The following AGBL2 variants were observed in gnomAD, a reference collection of about 807,000 sequenced individuals.
AGBL2 encodes the protein cytosolic carboxypeptidase 2.
AGBL2 carries 87 observed loss-of-function variants against 103.0 expected under a neutral mutation model. The ratio of observed to expected loss-of-function variants is 0.84; its 90% CI spans 0.71 to 1.01. AGBL2 has a LOEUF of 1.01. Ranked by LOEUF, AGBL2 falls within the 50% of genes least tolerant of loss-of-function variation. The pLI is 0.00. For synonymous variants in AGBL2, 335 were observed against 356.7 expected (o/e 0.94, Z 0.69); for missense variants, 904 against 1,023.5 (o/e 0.88, Z 1.59).
chr11:47,690,611 T>TG lies in AGBL2; in HGVS notation c.1095dup (p.Asn366GlnfsTer4), dbSNP rs758752170. On this transcript the variant is annotated frameshift_variant, in exon 10 of 19. Transcript: ENST00000525123. LOFTEE classifies it high-confidence loss of function. ...AAGGGCTGCTGCCCATCATCCGTGT[T>TG]GTTCTTGTAGTACTTGATTTCATTT... is the stretch of plus-strand genomic sequence containing the variant. The TG allele has an allele frequency of 6.2e-7, 1 of 1,614,202 alleles. No individual in the cohort carries two copies. Among genetic ancestry groups the TG allele is most frequent in the East Asian group, 2.2e-5 (1 of 44,890 alleles).
At chr11:47,701,246 G>C (rs7935521) in intron 7 of AGBL2, among the ~76,000 whole-genome samples, 1 of 150,690 alleles carries the variant, frequency 6.6e-6, no homozygotes, top group Non-Finnish European at 1.5e-5. Context: ...CGAAGCGGGC[G>C]GATCATGAGG....
intron 18 of AGBL2, among the ~76,000 whole-genome samples, chr11:47,662,455 C>T (rs969196783): frequency 2.5e-4 from 37 of 148,032 alleles, no homozygotes; most frequent in African/African-American, 7.7e-4. Context: ...GCTTGGATTA[C>T]AGGTGTGAGC....
At chr11:47,683,256 C>T (rs1227554304) in intron 11 of AGBL2, among the ~76,000 whole-genome samples, 1 of 151,906 alleles carries the variant, frequency 6.6e-6, no homozygotes, top group African/African-American at 2.4e-5. Context: ...ACCTGTAATC[C>T]CAGCTACTCA....
At chr11:47,709,264 A>C (rs1178208485) in intron 4 of AGBL2, among the ~76,000 whole-genome samples, 2 of 152,138 alleles carry the variant, frequency 1.3e-5, no homozygotes, top group Non-Finnish European at 2.9e-5. Context: ...GCGGGGCAGC[A>C]CAGAACAAGA....
intron 14 of AGBL2, among the ~76,000 whole-genome samples, chr11:47,670,490 AT>A (rs2097354098): frequency 6.6e-6 from 1 of 152,068 alleles, no homozygotes; most frequent in Admixed American, 6.6e-5. Context: ...ATCTAAAAAA[AT>A]AAATAAATAA....
At chr11:47,669,070 C>T (rs1448452531) in intron 14 of AGBL2, among the ~76,000 whole-genome samples, 163 bp from the exon 15 acceptor site, 1 of 152,074 alleles carries the variant, frequency 6.6e-6, no homozygotes, top group Non-Finnish European at 1.5e-5. Flanking sequence ...TTATTTTCTT[C>T]CTTTTTTATA....
At chr11:47,710,605 A>C (rs2097533957) in intron 3 of AGBL2, 94 bp from the exon 4 acceptor site, 7 of 1,411,004 alleles carry the variant, frequency 5.0e-6, no homozygotes, top group Non-Finnish European at 6.9e-6. Flanking sequence ...TTTTATCACC[A>C]CCCACCACCA....
At position 47,698,174 on chromosome 11, in the gene AGBL2, T is replaced by TA. The variant is rs1367189590; in HGVS notation, c.694+1271_694+1272insT. Among the ~76,000 whole-genome samples, 524 of 145,786 alleles carry TA rather than the reference T, an allele frequency of 3.6e-3. 3 individuals are homozygous for TA. The highest frequency in any genetic ancestry group is 0.021 in the Middle Eastern group (6 of 284). On this transcript the variant is annotated intron_variant, in intron 8 of 18. Coordinates refer to ENST00000525123, the MANE Select transcript of AGBL2 (RefSeq NM_024783.4). ...ACCAAGCCCAGTCTACATAATTTTT[T>TA]TTTTTTTTTTTTTTTTGAGACGGAG...
chr11:47,663,688 C>G (rs2097333732), intron 17 of AGBL2, among the ~76,000 whole-genome samples: 1 of 151,586 alleles, frequency 6.6e-6, no homozygotes, highest in African/African-American at 2.4e-5. Context: ...TCCCAAGTAG[C>G]TGGGATTACA....
intron 3 of AGBL2, among the ~76,000 whole-genome samples, chr11:47,713,094 C>T (rs545115172): frequency 1.3e-5 from 2 of 150,918 alleles, no homozygotes; most frequent in African/African-American, 2.4e-5. Flanking sequence ...AATCCCACCA[C>T]TTTGGGAGGC....
In AGBL2 at chr11:47,667,578, T is replaced by A; in HGVS notation, c.2333A>T (p.Asp778Val). ...CCAGCAAGTCTTTCTTACTGAGGTATCTTCTGTTAACTTTAACTTCTGCAT... is the reference window on the plus strand; with the variant it reads ...CCAGCAAGTCTTTCTTACTGAGGTAACTTCTGTTAACTTTAACTTCTGCAT... Reference protein sequence around the residue: ...NLMQKLKLTEDTSEKAGFAST... With the variant: ...NLMQKLKLTEVTSEKAGFAST... Residue 778 changes from aspartate (D) to valine (V), a missense_variant, in exon 16 of 19, where the codon GAT becomes GTT. Asp to Val is a radical substitution (Grantham distance 152). Coordinates refer to ENST00000525123, the MANE Select transcript of AGBL2 (RefSeq NM_024783.4). 1 of 1,613,996 alleles carries A rather than the reference T, an allele frequency of 6.2e-7. No homozygotes were observed.
chr11:47,662,041 G>T (rs2097329407), intron 18 of AGBL2, among the ~76,000 whole-genome samples: 1 of 151,854 alleles, frequency 6.6e-6, no homozygotes, highest in East Asian at 1.9e-4. Context: ...AAGCCACCGC[G>T]CCTGGCCTCA....
At position 47,705,889 on chromosome 11, in the gene AGBL2, G is replaced by A. The variant is rs12279284; in HGVS notation, c.261C>T (p.His87=). The change falls in exon 5 of 19, where the codon CAC becomes CAT. Residue 87 remains histidine (H), a synonymous_variant. Transcript: ENST00000525123. ...LWPISLSSAV[H]RQIEAINRDF... ...CTCTGTTGATGGCTTCTATCTGTCTGTGCACAGCTGAAGATAAACTGATAG... is the reference window on the plus strand; with the variant it reads ...CTCTGTTGATGGCTTCTATCTGTCTATGCACAGCTGAAGATAAACTGATAG... 3.8e-4 allele frequency: 613 copies of A among 1,614,028 alleles called. 2 individuals carry two copies. The African/African-American group carries it at 7.5e-3, about 20-fold the overall frequency.
chr11:47,711,781 C>T (rs1223416482), intron 3 of AGBL2, among the ~76,000 whole-genome samples: 7 of 152,120 alleles, frequency 4.6e-5, no homozygotes, highest in African/African-American at 1.7e-4. Flanking sequence ...GTGATCTGCC[C>T]ACCTTGGCCT....
intron 13 of AGBL2, among the ~76,000 whole-genome samples, chr11:47,679,571 G>A (rs1009320328): frequency 2.0e-5 from 3 of 151,896 alleles, no homozygotes; most frequent in Non-Finnish European, 4.4e-5. Flanking sequence ...ACTAGTAAGA[G>A]GAAAATAAAG....
intron 13 of AGBL2, among the ~76,000 whole-genome samples, chr11:47,678,343 A>ATTTTTTTTTTTTTTTTTTTTTTTTTTT (rs1440515781): frequency 3.4e-5 from 4 of 116,870 alleles, no homozygotes; most frequent in East Asian, 5.9e-4. Flanking sequence ...TTATTATTTT[A>ATTTTTTTTTTTTTTTTTTTTTTTTTTT]TTTTTTTTGA....
At chr11:47,666,804 C>G in intron 17 of AGBL2, 152 bp downstream of exon 17, 1 of 689,164 alleles carries the variant, frequency 1.5e-6, no homozygotes, top group South Asian at 1.6e-5. Context: ...GTGTCAATGT[C>G]TCCCCCAGTT....
At chr11:47,678,890 T>C (rs968177360) in intron 13 of AGBL2, among the ~76,000 whole-genome samples, 8 of 149,078 alleles carry the variant, frequency 5.4e-5, no homozygotes, top group African/African-American at 2.0e-4. Context: ...AAACCCCATC[T>C]GTACTAAAAA....
At position 47,667,682 on chromosome 11, in the gene AGBL2, C is replaced by G. The variant is rs201481571; in HGVS notation, c.2229G>C (p.Lys743Asn). Residue 743 changes from lysine (K) to asparagine (N), a missense_variant, in exon 16 of 19, where the codon AAG (lysine) becomes AAC (asparagine). By Grantham distance (94) the Lys-to-Asn change is moderately conservative. Transcript: ENST00000525123. Reference sequence around the variant, plus strand: ...TCTTTTTTTTCTTCTTAAACATCTTCTTTTTCTGAGTCAGCTATTCCAGAA... The same window carrying G: ...TCTTTTTTTTCTTCTTAAACATCTTGTTTTTCTGAGTCAGCTATTCCAGAA... ...ANIADELTQK[K>N]KMFKKKKKKS... 1.9e-6 allele frequency: 3 copies of G among 1,611,480 alleles called. No individual in the cohort carries two copies. The highest frequency in any genetic ancestry group is 3.4e-5 in the Admixed American group (2 of 59,496).
Sources: allele counts gnomAD v4.1 joint callset (sites outside exome capture counted in the v4.1 genomes callset), GRCh38; gene constraint gnomAD v4.1.1; transcripts MANE v1.5; gene names NCBI Gene and HGNC (gene_info 2026-07-23, HGNC 2026-07-21).